Variants in PRDM12 observed in about 807,000 individuals in gnomAD.
PRDM12 encodes PR/SET domain 12.
Under a neutral mutation model 29.6 loss-of-function variants are expected in PRDM12, and 17 were observed. That is an observed-to-expected ratio of 0.57 (90% CI 0.39 to 0.86). The LOEUF (loss-of-function observed/expected upper bound fraction) is 0.86. Ranked by LOEUF, PRDM12 falls within the 40% of genes least tolerant of loss-of-function variation. PRDM12 has a pLI of 0.00. For missense variants in PRDM12, 422 were observed against 510.8 expected (o/e 0.83, Z 1.68); for synonymous variants, 231 against 225.8 (o/e 1.02, Z -0.21).
At chr9:130,666,204 T>C (rs1488482266) in intron 1 of PRDM12, among the ~76,000 whole-genome samples, 2 of 152,204 alleles carry the variant, frequency 1.3e-5, no homozygotes, top group East Asian at 3.9e-4. Context: ...GAGTCTCCGG[T>C]TGGCCTTCAC....
chr9:130,680,632 A>ATATATATATATATATATAT (rs1246642229), intron 4 of PRDM12, among the ~76,000 whole-genome samples: 1 of 77,338 alleles, frequency 1.3e-5, no homozygotes, highest in Admixed American at 1.4e-4. Flanking sequence ...CTAAAAAAAA[A>ATATATATATATATATATAT]AAATATATAT....
rs2277185 is a variant in PRDM12 at position 130,668,594 on chromosome 9, A to T, written c.570+281A>T. Reference sequence around the variant, plus strand: ...GAATGTCACGAGCATCTCCATAGTGAGGTCCCCAGATGTTGGCTGACAGTT... The same window carrying T: ...GAATGTCACGAGCATCTCCATAGTGTGGTCCCCAGATGTTGGCTGACAGTT... On this transcript the variant is annotated intron_variant, in intron 3 of 4. Transcript: ENST00000253008. This position sits in a 1 kb window ranked among gnomAD's most constrained non-coding sequence, Gnocchi z 4.0. Among the ~76,000 whole-genome samples the T allele has an allele frequency of 0.069, 10,437 of 152,314 alleles. 498 individuals are homozygous for T. The highest frequency in any genetic ancestry group is 0.2 in the Middle Eastern group (59 of 294).
At chr9:130,666,537 C>T (rs2132588767) in intron 1 of PRDM12, 71 bp from the exon 2 acceptor site, 9 of 1,554,818 alleles carry the variant, frequency 5.8e-6, no homozygotes, top group Non-Finnish European at 7.8e-6. Context: ...GCCGGGGTCC[C>T]GGCGGGGAAG....
chr9:130,665,044 G>A lies in PRDM12; in HGVS notation c.223+168G>A, dbSNP rs894550378. On this transcript the variant is annotated intron_variant, in intron 1 of 4. Transcript: ENST00000253008. ...TCAGTTTCCCCATGGGCCAAACCAG[G>A]ACGCGAGCCACCAAGCAGCTCCGCA... Among the ~76,000 whole-genome samples the A allele has an allele frequency of 7.9e-5, 12 of 152,120 alleles. No homozygotes were observed. In the East Asian group the frequency reaches 2.3e-3, roughly 30 times the overall value.
intron 4 of PRDM12, 110 bp downstream of exon 4, chr9:130,678,750 TG>T: frequency 1.2e-6 from 1 of 843,152 alleles, no homozygotes; most frequent in Non-Finnish European, 1.9e-6. Flanking sequence ...CCAGGGACCT[TG>T]GTTCAATGTC....
Position 130,668,289 on chromosome 9 carries a change from C to A in PRDM12, c.546C>A (p.Thr182=). The A allele has an allele frequency of 6.2e-7, 1 of 1,614,076 alleles. No homozygotes were observed. Among genetic ancestry groups the A allele is most frequent in the Non-Finnish European group, 8.5e-7 (1 of 1,180,012 alleles). Residue 182 remains threonine, a synonymous_variant, in exon 3 of 5, where the codon ACC becomes ACA. Coordinates refer to ENST00000253008, the MANE Select transcript of PRDM12 (RefSeq NM_021619.3). This position sits in a 1 kb window ranked among gnomAD's most constrained non-coding sequence, Gnocchi z 4.0. ...ACCTGGAGGTGGTCCAGATCGGCAC[C>A]AGCATCTTCTACAAGGCCATTGAGG... ...EQNLEVVQIG[T]SIFYKAIEMI...
intron 4 of PRDM12, among the ~76,000 whole-genome samples, chr9:130,680,052 C>G (rs867061874): frequency 1.3e-5 from 2 of 152,074 alleles, no homozygotes; most frequent in South Asian, 4.1e-4. Flanking sequence ...ATTAATTTCT[C>G]TAGGCCGGGC....
At chr9:130,680,655 A>ATTTTTTTTTTTTT (rs1247286672) in intron 4 of PRDM12, among the ~76,000 whole-genome samples, 80 of 85,512 alleles carry the variant, frequency 9.4e-4, no homozygotes, top group African/African-American at 5.8e-3. Context: ...ATATATATAT[A>ATTTTTTTTTTTTT]TATATTTTTT....
intron 3 of PRDM12, among the ~76,000 whole-genome samples, chr9:130,672,425 G>C (rs1830797114): frequency 6.6e-6 from 1 of 152,192 alleles, no homozygotes; most frequent in Admixed American, 6.5e-5. Context: ...CTGACCTCAA[G>C]CGATCTGCCC....
chr9:130,666,879 G>A, intron 2 of PRDM12, 81 bp downstream of exon 2: 1 of 1,490,004 alleles, frequency 6.7e-7, no homozygotes, highest in Non-Finnish European at 9.0e-7. Flanking sequence ...TCCGGCCGTC[G>A]CCGCTTCCAC....
chr9:130,678,499 C>T (rs752991645), intron 3 of PRDM12, 30 bp from the exon 4 acceptor site: 1 of 1,552,006 alleles, frequency 6.4e-7, no homozygotes, highest in Non-Finnish European at 8.9e-7. Context: ...CTGCGGCCTC[C>T]CTGACCTCCT....
intron 3 of PRDM12, among the ~76,000 whole-genome samples, chr9:130,677,006 A>G (rs1234349314): frequency 6.6e-6 from 1 of 152,008 alleles, no homozygotes; most frequent in African/African-American, 2.4e-5. Flanking sequence ...GGCTTACTGC[A>G]ACCTCTGCCT....
rs754294709 is a variant in PRDM12, at chr9:130,678,683, G to A, written c.682+43G>A. 2.7e-5 allele frequency: 40 copies of A among 1,484,088 alleles called. No individual in the cohort carries two copies. In the South Asian group the frequency reaches 4.7e-4, roughly 17 times the overall value. The allele number at this position is 1,484,088 out of a possible 1,614,324, so 91.9% of individuals were successfully genotyped here. A position where few individuals can be genotyped will look rare whatever the true frequency, so the allele number is the denominator to read the frequency against. On this transcript the variant is annotated intron_variant, in intron 4 of 4. Coordinates refer to ENST00000253008, the MANE Select transcript of PRDM12 (RefSeq NM_021619.3). ...GGCCGCTGAGACACAGACCCATGGA[G>A]AGGGGAGCCCAGGGAGGGGAGAGAG...
rs1830902832 is a variant in PRDM12 at position 130,681,587 on chromosome 9, A to ACGCGCACGCGCC, written c.1028_1039dup (p.His343_Ala346dup). Reference sequence around the variant, plus strand: ...CACTCGCCCGCGCTGCCCGCCCCGCACGCGCACGCGCCCGCGCTCGCCGCC... The same window carrying ACGCGCACGCGCC: ...CACTCGCCCGCGCTGCCCGCCCCGCACGCGCACGCGCCCGCGCACGCGCCCGCGCTCGCCGCC... On this transcript the variant is annotated inframe_insertion, in exon 5 of 5. Coordinates refer to ENST00000253008, the MANE Select transcript of PRDM12 (RefSeq NM_021619.3). The surrounding 1 kb of genome is among the most constrained non-coding windows in gnomAD (Gnocchi z 8.1). 10 of 1,122,726 alleles carry ACGCGCACGCGCC rather than the reference A, an allele frequency of 8.9e-6. No homozygotes were observed. Among genetic ancestry groups the ACGCGCACGCGCC allele is most frequent in the African/African-American group, 1.7e-5 (1 of 59,690 alleles). The allele number at this position is 1,122,726 out of a possible 1,614,324, so 69.5% of individuals were successfully genotyped here.
Position 130,681,129 on chromosome 9 carries a change from A to G in PRDM12, c.683-119A>G. ...GTCCAAGCAGCACCCACCCTCAAGG[A>G]CGGACCGGCCCCGGGCTGGGGGCGC... On this transcript the variant is annotated intron_variant, in intron 4 of 4. Transcript: ENST00000253008. The surrounding 1 kb of genome is among the most constrained non-coding windows in gnomAD (Gnocchi z 8.1). The G allele has an allele frequency of 2.7e-6, 3 of 1,100,958 alleles. No individual in the cohort carries two copies. Among genetic ancestry groups the G allele is most frequent in the East Asian group, 3.1e-5 (1 of 31,776 alleles). The allele number at this position is 1,100,958 out of a possible 1,614,324, so 68.2% of individuals were successfully genotyped here.
rs1830763362 is a variant in PRDM12, at chr9:130,669,105, A to G, written c.570+792A>G. ...GTGAGTGAATTGCCGAGGCGGGCAG[A>G]TCACAAGGTCAGGAGATCGAGACCA... On this transcript the variant is annotated intron_variant, in intron 3 of 4. Coordinates refer to ENST00000253008, the MANE Select transcript of PRDM12 (RefSeq NM_021619.3). 2.0e-5 allele frequency among the ~76,000 whole-genome samples: 3 copies of G among 152,084 alleles called. No individual in the cohort carries two copies. The South Asian group carries it at 6.2e-4, about 32-fold the overall frequency.
Position 130,681,293 on chromosome 9 carries a change from T to C in PRDM12, c.728T>C (p.Met243Thr). The C allele has an allele frequency of 1.3e-6, 2 of 1,509,418 alleles. No homozygotes were observed. The highest frequency in any genetic ancestry group is 1.8e-6 in the Non-Finnish European group (2 of 1,122,642). 93.5% of individuals were successfully genotyped at this position (1,509,418 alleles called of 1,614,324 possible). ...ADSAAGPAGR[M>T]RCVICHRGFN... ...TCGGCGGCTGGCCCCGCGGGCCGCA[T>C]GCGATGCGTCATCTGCCACCGCGGC... is the stretch of plus-strand genomic sequence containing the variant. The change falls in exon 5 of 5, where the codon ATG becomes ACG. Residue 243 changes from methionine to threonine, a missense_variant. Coordinates refer to ENST00000253008, the MANE Select transcript of PRDM12 (RefSeq NM_021619.3). The surrounding 1 kb of genome is among the most constrained non-coding windows in gnomAD (Gnocchi z 8.1).
chr9:130,674,601 T>A (rs1432710525), intron 3 of PRDM12, among the ~76,000 whole-genome samples: 1 of 151,756 alleles, frequency 6.6e-6, no homozygotes, highest in African/African-American at 2.4e-5. Context: ...ATCATGCTAC[T>A]CTCCATGAAC....
chr9:130,681,305 T>C lies in PRDM12; in HGVS notation c.740T>C (p.Ile247Thr). The C allele has an allele frequency of 3.3e-6, 5 of 1,530,146 alleles. No homozygotes were observed. The highest frequency in any genetic ancestry group is 4.4e-6 in the Non-Finnish European group (5 of 1,133,054). The allele number at this position is 1,530,146 out of a possible 1,614,324, so 94.8% of individuals were successfully genotyped here. ...AGPAGRMRCVICHRGFNSRSN... is the reference protein window; with the variant it reads ...AGPAGRMRCVTCHRGFNSRSN... ...CCCGCGGGCCGCATGCGATGCGTCATCTGCCACCGCGGCTTCAACTCGCGC... is the reference window on the plus strand; with the variant it reads ...CCCGCGGGCCGCATGCGATGCGTCACCTGCCACCGCGGCTTCAACTCGCGC... Residue 247 changes from isoleucine to threonine, a missense_variant, in exon 5 of 5, where the codon ATC (isoleucine) becomes ACC (threonine). Coordinates refer to ENST00000253008, the MANE Select transcript of PRDM12 (RefSeq NM_021619.3). The surrounding 1 kb of genome is among the most constrained non-coding windows in gnomAD (Gnocchi z 8.1).
Sources: gnomAD v4.1 joint callset for allele counts (sites outside exome capture counted in the v4.1 genomes callset) on GRCh38, gnomAD v4.1.1 for gene constraint, Gnocchi (gnomAD v3.1) non-coding constraint, MANE v1.5 for transcripts, NCBI Gene and HGNC (gene_info 2026-07-23, HGNC 2026-07-21) for gene names.